CDH18: variants seen among roughly 807,000 people sequenced by gnomAD.
The protein encoded by CDH18 is cadherin-18.
In CDH18, 31 loss-of-function variants were observed where a neutral mutation model predicts 67.9. The observed-to-expected ratio is 0.46, with a 90% confidence interval of 0.34 to 0.62. CDH18 has a LOEUF of 0.62. Ranked by LOEUF, CDH18 falls within the 20% of genes least tolerant of loss-of-function variation. The probability of loss-of-function intolerance (pLI) is 0.01; values close to 1 mark genes in which losing one functional copy is unlikely to be tolerated. For missense variants in CDH18, 890 were observed against 975.5 expected (o/e 0.91, Z 1.17); for synonymous variants, 362 against 347.2 (o/e 1.04, Z -0.48).
At chr5:19,780,676 A>G (rs1032642912) in intron 3 of CDH18, among the ~76,000 whole-genome samples, 1 of 152,090 alleles carries the variant, frequency 6.6e-6, no homozygotes, top group Non-Finnish European at 1.5e-5. Flanking sequence ...CCTGAGAGCA[A>G]AATGATTTTC....
chr5:20,470,972 GCTC>G (rs1376648247), intron 1 of CDH18, among the ~76,000 whole-genome samples: 1 of 152,032 alleles, frequency 6.6e-6, no homozygotes, highest in African/African-American at 2.4e-5. Context: ...CTCCCTTGAT[GCTC>G]CTCTTCTTTT....
intron 1 of CDH18, among the ~76,000 whole-genome samples, chr5:20,336,889 G>A (rs959776169): frequency 7.9e-5 from 12 of 152,090 alleles, no homozygotes; most frequent in Non-Finnish European, 1.6e-4. Flanking sequence ...TAGCATTGTG[G>A]TTTCAGATTC....
intron 6 of CDH18, among the ~76,000 whole-genome samples, chr5:19,593,707 C>CCTCCTCCTCCTCCTCCTCCTTCTT: frequency 2.1e-4 from 7 of 33,402 alleles, no homozygotes; most frequent in African/African-American, 8.1e-4. Context: ...TCCTCCTCCT[C>CCTCCTCCTCCTCCTCCTCCTTCTT]CTTCTTCTTC....
intron 2 of CDH18, among the ~76,000 whole-genome samples, chr5:20,023,435 G>A (rs899831193): frequency 5.3e-5 from 8 of 151,882 alleles, no homozygotes; most frequent in East Asian, 1.9e-4. Flanking sequence ...CGAGGCGGGC[G>A]GATCACCAGG....
intron 1 of CDH18, among the ~76,000 whole-genome samples, chr5:20,428,595 G>A (rs1021575938): frequency 6.6e-6 from 1 of 151,976 alleles, no homozygotes; most frequent in Non-Finnish European, 1.5e-5. Flanking sequence ...CCACATCCTC[G>A]CCAGCATCTG....
chr5:20,130,599 G>A (rs1314196125), intron 2 of CDH18, among the ~76,000 whole-genome samples: 1 of 151,850 alleles, frequency 6.6e-6, no homozygotes. Flanking sequence ...ATCACAAGAC[G>A]ACTGTAGGAG....
rs1425422798 is a variant in CDH18, at chr5:19,713,804, G to T, written c.643+7543C>A. On this transcript the variant is annotated intron_variant, in intron 5 of 12. Coordinates refer to ENST00000382275, the MANE Select transcript of CDH18 (RefSeq NM_004934.5). ...TTTCATTTAAATCAGTGTGAAAAATGTCCTTTTGCAGTTTGATATTGCACT... is the reference window on the plus strand; with the variant it reads ...TTTCATTTAAATCAGTGTGAAAAATTTCCTTTTGCAGTTTGATATTGCACT... 2.0e-5 allele frequency among the ~76,000 whole-genome samples: 3 copies of T among 152,058 alleles called. No individual in the cohort carries two copies. The South Asian group carries it at 6.2e-4, about 32-fold the overall frequency.
At chr5:20,193,761 T>A (rs1738732297) in intron 2 of CDH18, among the ~76,000 whole-genome samples, 1 of 152,150 alleles carries the variant, frequency 6.6e-6, no homozygotes, top group South Asian at 2.1e-4. Context: ...CATGATCAAG[T>A]CAGCTTCATT....
At chr5:20,276,525 A>G (rs1745825400) in intron 1 of CDH18, among the ~76,000 whole-genome samples, 1 of 152,212 alleles carries the variant, frequency 6.6e-6, no homozygotes, top group Non-Finnish European at 1.5e-5. Flanking sequence ...AGCCCTGAAT[A>G]GTCAGAATCA....
intron 6 of CDH18, among the ~76,000 whole-genome samples, chr5:19,606,842 T>C (rs1376255484): frequency 6.6e-6 from 1 of 151,706 alleles, no homozygotes; most frequent in African/African-American, 2.4e-5. Flanking sequence ...CAACCATTAG[T>C]CAGATTTTTA....
chr5:20,083,107 T>A (rs1195789720), intron 2 of CDH18, among the ~76,000 whole-genome samples: 7 of 152,184 alleles, frequency 4.6e-5, no homozygotes, highest in Non-Finnish European at 7.4e-5. Flanking sequence ...AAACAATTAA[T>A]GAACTAAGAA....
intron 2 of CDH18, among the ~76,000 whole-genome samples, chr5:20,134,769 C>T (rs577101718): frequency 6.6e-6 from 1 of 152,160 alleles, no homozygotes; most frequent in East Asian, 1.9e-4. Flanking sequence ...TGACTTTGGT[C>T]TTTCCTAAGT....
At chr5:19,738,123 A>C (rs774316624) in intron 4 of CDH18, among the ~76,000 whole-genome samples, 8 of 152,128 alleles carry the variant, frequency 5.3e-5, no homozygotes, top group Non-Finnish European at 1.0e-4. Context: ...TATTTTATTT[A>C]TTACCTATTT....
chr5:20,357,535 G>C (rs571710330), intron 1 of CDH18, among the ~76,000 whole-genome samples: 1 of 152,140 alleles, frequency 6.6e-6, no homozygotes, highest in African/African-American at 2.4e-5. Context: ...AGATATAAGA[G>C]CGGCCAAAAA....
intron 1 of CDH18, among the ~76,000 whole-genome samples, chr5:20,256,978 A>ATCTGTCTAATC (rs1554108500): frequency 0.01 from 1,340 of 133,642 alleles, 9 homozygotes; most frequent in South Asian, 0.015. Context: ...ATCTATATCT[A>ATCTGTCTAATC]TATCTATATC....
intron 2 of CDH18, among the ~76,000 whole-genome samples, chr5:20,012,741 A>G (rs1247102140): frequency 6.6e-6 from 1 of 152,136 alleles, no homozygotes; most frequent in Non-Finnish European, 1.5e-5. Flanking sequence ...GAAGGGGATC[A>G]TGTCCTTTGT....
intron 2 of CDH18, among the ~76,000 whole-genome samples, chr5:19,882,125 T>C (rs1051776038): frequency 4.6e-5 from 7 of 152,182 alleles, no homozygotes; most frequent in African/African-American, 1.7e-4. Flanking sequence ...AAAAATCATC[T>C]GTGCAACTCA....
intron 2 of CDH18, among the ~76,000 whole-genome samples, chr5:20,088,750 GA>G (rs1297114390): frequency 1.2e-4 from 19 of 152,170 alleles, no homozygotes; most frequent in African/African-American, 4.6e-4. Context: ...TTTTGTAGCT[GA>G]AAGCATGCTA....
At chr5:20,344,106 T>C (rs1050957041) in intron 1 of CDH18, among the ~76,000 whole-genome samples, 3 of 152,126 alleles carry the variant, frequency 2.0e-5, no homozygotes, top group African/African-American at 4.8e-5. Flanking sequence ...ATGGCTACTA[T>C]TGGAGGATGG....
Sources: gnomAD v4.1 joint callset for allele counts (sites outside exome capture counted in the v4.1 genomes callset) on GRCh38, gnomAD v4.1.1 for gene constraint, MANE v1.5 for transcripts, NCBI Gene and HGNC (gene_info 2026-07-23, HGNC 2026-07-21) for gene names.